Variants in RARB observed in about 807,000 individuals in gnomAD.
The protein encoded by RARB is retinoic acid receptor beta.
A neutral mutation model predicts 51.9 loss-of-function variants in RARB; 17 were observed. The observed-to-expected ratio is 0.33, with a 90% CI of 0.22 to 0.49. The LOEUF is 0.49. Among genes scored for constraint, RARB ranks in the 20% least tolerant of loss-of-function variants. The pLI is 0.99. For synonymous variants in RARB, 215 were observed against 195.4 expected, an observed-to-expected ratio of 1.10 and a Z score of -0.84; for missense variants, 369 against 550.8, an observed-to-expected ratio of 0.67 and a Z score of 3.30.
intron 5 of RARB, among the ~76,000 whole-genome samples, chr3:25,322,372 A>G (rs1390079057): frequency 6.6e-6 from 1 of 152,148 alleles, no homozygotes; most frequent in South Asian, 2.1e-4. Context: ...GGGAGAGAGG[A>G]CCTTTTTAGG....
At chr3:25,287,021 T>A (rs1226966654) in intron 5 of RARB, among the ~76,000 whole-genome samples, 1 of 152,228 alleles carries the variant, frequency 6.6e-6, no homozygotes, top group Non-Finnish European at 1.5e-5. Context: ...AGATGAAGGC[T>A]TTCTCCTGCC....
intron 4 of RARB, among the ~76,000 whole-genome samples, chr3:25,173,883 A>C (rs1414123486): frequency 7.2e-5 from 11 of 152,214 alleles, no homozygotes; most frequent in Admixed American, 6.5e-4. Context: ...CAAATAACAC[A>C]GGAGTGGAGG....
intron 5 of RARB, among the ~76,000 whole-genome samples, chr3:25,175,776 T>G (rs1002737450): frequency 3.9e-5 from 6 of 152,296 alleles, no homozygotes; most frequent in African/African-American, 1.4e-4. Flanking sequence ...TGTTTCGAAT[T>G]TCTGGCTTGA....
At chr3:24,841,386 G>A (rs1160677004) in intron 1 of RARB, among the ~76,000 whole-genome samples, 2 of 152,180 alleles carry the variant, frequency 1.3e-5, no homozygotes, top group Non-Finnish European at 2.9e-5. Flanking sequence ...GGTCAGAATT[G>A]CTGCTTAGAT....
At position 25,430,368 on chromosome 3, in the gene RARB, A is replaced by G. The variant is rs551159500; in HGVS notation, c.157+1480A>G. 2.6e-5 allele frequency among the ~76,000 whole-genome samples: 4 copies of G among 152,356 alleles called. No individual in the cohort carries two copies. In the East Asian group the frequency reaches 7.7e-4, roughly 29 times the overall value. On this transcript the variant is annotated intron_variant, in intron 1 of 7. Transcript: ENST00000330688. ...TCCTCTTTGTAGCAATTAAAACAGT[A>G]TGAACAATTTCTGTTGGAATCCCAG... is the stretch of plus-strand genomic sequence containing the variant.
At chr3:25,148,468 T>C (rs892522778) in intron 4 of RARB, among the ~76,000 whole-genome samples, 2 of 151,410 alleles carry the variant, frequency 1.3e-5, no homozygotes, top group African/African-American at 4.8e-5. Flanking sequence ...AATATCTCTT[T>C]TAAGGGTTTT....
chr3:25,432,345 C>T lies in RARB; in HGVS notation c.157+3457C>T, dbSNP rs114449870. ...AAAAGGATGGATTCAAAAAACTAAACAGTAGAAAGGTAGACATCTGTTTGC... is the reference window on the plus strand; with the variant it reads ...AAAAGGATGGATTCAAAAAACTAAATAGTAGAAAGGTAGACATCTGTTTGC... On this transcript the variant is annotated intron_variant, in intron 1 of 7. Coordinates refer to ENST00000330688, the MANE Select transcript of RARB (RefSeq NM_000965.5). 2.1e-3 allele frequency among the ~76,000 whole-genome samples: 321 copies of T among 152,242 alleles called. 2 individuals are homozygous for T. Among genetic ancestry groups the T allele is most frequent in the African/African-American group, 6.9e-3 (285 of 41,556 alleles).
intron 2 of RARB, among the ~76,000 whole-genome samples, chr3:24,903,179 C>A (rs1218287753): frequency 6.6e-6 from 1 of 151,900 alleles, no homozygotes; most frequent in African/African-American, 2.4e-5. Context: ...GTAATGATAA[C>A]TTGAAGTGAT....
intron 5 of RARB, among the ~76,000 whole-genome samples, chr3:25,585,697 G>T (rs997547281): frequency 6.6e-6 from 1 of 152,198 alleles, no homozygotes; most frequent in Non-Finnish European, 1.5e-5. Context: ...CTGGACAGGG[G>T]CTCATGCCAT....
intron 5 of RARB, among the ~76,000 whole-genome samples, chr3:25,184,668 A>T (rs1700935362): frequency 6.6e-6 from 1 of 152,122 alleles, no homozygotes. Flanking sequence ...TTGAAAAATT[A>T]TGATGTTGTT....
intron 2 of RARB, among the ~76,000 whole-genome samples, chr3:24,869,456 C>G (rs1400631038): frequency 6.6e-6 from 1 of 151,996 alleles, no homozygotes; most frequent in Non-Finnish European, 1.5e-5. Flanking sequence ...ATAATTATAA[C>G]AAGCTTGATG....
intron 3 of RARB, among the ~76,000 whole-genome samples, chr3:25,062,460 C>T (rs139829143): frequency 1.9e-4 from 29 of 151,902 alleles, no homozygotes; most frequent in African/African-American, 6.8e-4. Flanking sequence ...TATAACCCAA[C>T]TGCCTCACTT....
At chr3:25,117,252 G>A (rs563793261) in intron 3 of RARB, among the ~76,000 whole-genome samples, 4 of 152,234 alleles carry the variant, frequency 2.6e-5, no homozygotes, top group Non-Finnish European at 4.4e-5. Flanking sequence ...TAATAACTGC[G>A]CCTGAAGGTG....
chr3:25,001,895 G>T (rs200689076), intron 2 of RARB, among the ~76,000 whole-genome samples: 1 of 151,864 alleles, frequency 6.6e-6, no homozygotes, highest in African/African-American at 2.4e-5. Context: ...CTCCCATTTC[G>T]GCCTCCCAAG....
In RARB at chr3:24,898,243, T is replaced by A. The variant is rs192325660; in HGVS notation, c.-380+39491T>A. On this transcript the variant is annotated intron_variant, in intron 2 of 11. Coordinates refer to the RARB transcript ENST00000383772. ...TCATACCCAACCCACTGGATAGTTT[T>A]GAGCAAGAAAGACCATGCTTGTGAA... is the stretch of plus-strand genomic sequence containing the variant. 2.6e-5 allele frequency among the ~76,000 whole-genome samples: 4 copies of A among 152,026 alleles called. No individual in the cohort carries two copies. In the East Asian group the frequency reaches 7.7e-4, roughly 29 times the overall value.
chr3:25,415,822 A>G (rs1026453966), intron 5 of RARB, among the ~76,000 whole-genome samples: 24 of 152,338 alleles, frequency 1.6e-4, no homozygotes, highest in African/African-American at 5.5e-4. Flanking sequence ...ATACTTATTG[A>G]GGGATTGTTA....
chr3:25,033,447 G>A (rs769408792), intron 2 of RARB, among the ~76,000 whole-genome samples: 9 of 152,178 alleles, frequency 5.9e-5, no homozygotes, highest in Non-Finnish European at 1.0e-4. Flanking sequence ...CAGAAAATCT[G>A]AGAAACAAGC....
chr3:25,029,351 T>C (rs185184173), intron 2 of RARB, among the ~76,000 whole-genome samples: 6 of 152,340 alleles, frequency 3.9e-5, no homozygotes, highest in Non-Finnish European at 8.8e-5. Context: ...AAGTTTCCTC[T>C]TCTTAGAAAG....
exon 5 of RARB, chr3:25,174,388 G>A (rs750045322): frequency 1.0e-5 from 14 of 1,351,942 alleles, no homozygotes; most frequent in Non-Finnish European, 1.4e-5. Flanking sequence ...CTTTCTGTGA[G>A]GCCCGAAACA....
Sources: allele counts gnomAD v4.1 joint callset (sites outside exome capture counted in the v4.1 genomes callset), GRCh38; gene constraint gnomAD v4.1.1; transcripts MANE v1.5; gene names NCBI Gene and HGNC (gene_info 2026-07-23, HGNC 2026-07-21).